The following CHODL variants were observed in gnomAD, a reference collection of about 807,000 sequenced individuals.
CHODL encodes transmembrane protein MT75.
CHODL carries 29 observed loss-of-function variants against 34.5 expected under a neutral mutation model. That is an observed-to-expected ratio of 0.84 (90% confidence interval 0.63 to 1.15). The LOEUF (loss-of-function observed/expected upper bound fraction) is 1.15. Among genes scored for constraint, CHODL ranks in the 50% most tolerant of loss-of-function variants. The pLI, the probability that CHODL is intolerant of heterozygous loss-of-function variation, is 0.00. For synonymous variants in CHODL, 125 were observed against 116.1 expected (o/e 1.08, Z -0.49); for missense variants, 332 against 332.5 (o/e 1.00, Z 0.01).
In CHODL at chr21:18,245,240, C is replaced by A. The variant is rs758800399; in HGVS notation, c.17C>A (p.Ser6Ter). Reference sequence around the variant, plus strand: ...CGCGCCGCGATGAGCCGCGTGGTCTCGCTGCTGCTGGGCGCCGCGCTGCTC... The same window carrying A: ...CGCGCCGCGATGAGCCGCGTGGTCTAGCTGCTGCTGGGCGCCGCGCTGCTC... The part of the protein sequence containing the change: MSRVV[S>*]LLLGAALLCG... The change falls in exon 1 of 6, where the codon TCG becomes TAG. Residue 6 changes from serine to a stop codon, truncating the protein, a stop_gained. Coordinates refer to ENST00000299295, the MANE Select transcript of CHODL (RefSeq NM_024944.3). LOFTEE classifies it high-confidence loss of function. The A allele has an allele frequency of 6.6e-7, 1 of 1,522,804 alleles. No homozygotes were observed. The highest frequency in any genetic ancestry group is 8.8e-7 in the Non-Finnish European group (1 of 1,142,184). The allele number at this position is 1,522,804 out of a possible 1,614,324, so 94.3% of individuals were successfully genotyped here.
At chr21:18,093,594 ATAAAGT>A (rs1004275249) in intron 2 of CHODL, among the ~76,000 whole-genome samples, 15 of 152,162 alleles carry the variant, frequency 9.9e-5, no homozygotes, top group African/African-American at 3.4e-4. Flanking sequence ...ATGCAAGAAA[ATAAAGT>A]TAGAGTTTTA....
chr21:18,102,438 G>T (rs553710392), intron 2 of CHODL, among the ~76,000 whole-genome samples: 2 of 152,166 alleles, frequency 1.3e-5, no homozygotes, highest in Non-Finnish European at 2.9e-5. Context: ...ACATCATGAG[G>T]CAGGACTTAA....
chr21:18,254,216 G>C (rs901170480), intron 1 of CHODL, among the ~76,000 whole-genome samples: 2 of 151,006 alleles, frequency 1.3e-5, no homozygotes, highest in Non-Finnish European at 2.9e-5. Flanking sequence ...TTATTGATAG[G>C]CTACACAATT....
chr21:18,193,711 T>TAAAA (rs1279526491), intron 2 of CHODL, among the ~76,000 whole-genome samples: 1,609 of 119,716 alleles, frequency 0.013, 30 homozygotes, highest in African/African-American at 0.054. Context: ...AAAAAAAAAA[T>TAAAA]AAAATAAATA....
chr21:17,927,865 T>C (rs2063241183), intron 1 of CHODL, among the ~76,000 whole-genome samples: 1 of 152,224 alleles, frequency 6.6e-6, no homozygotes, highest in South Asian at 2.1e-4. Flanking sequence ...AAATGATAAA[T>C]GAAAGATGTA....
chr21:17,944,688 T>C (rs1876037), intron 1 of CHODL, among the ~76,000 whole-genome samples: 69,379 of 152,048 alleles, frequency 0.46, 16,480 homozygotes, highest in East Asian at 0.61. Flanking sequence ...GTAGCTCCAC[T>C]TGATATCAAA....
chr21:18,205,611 C>T (rs1368277900), intron 2 of CHODL, among the ~76,000 whole-genome samples: 1 of 152,058 alleles, frequency 6.6e-6, no homozygotes, highest in South Asian at 2.1e-4. Context: ...AAAAACTTTC[C>T]TCTAAGTACT....
chr21:18,217,835 G>A (rs748222020), intron 2 of CHODL, among the ~76,000 whole-genome samples: 2 of 152,118 alleles, frequency 1.3e-5, no homozygotes, highest in Non-Finnish European at 2.9e-5. Flanking sequence ...GGAAATATTG[G>A]CCAAAACAAA....
At chr21:18,240,392 T>C (rs1307587213), upstream of CHODL, among the ~76,000 whole-genome samples, 2 of 152,136 alleles carry the variant, frequency 1.3e-5, no homozygotes, top group East Asian at 3.8e-4. Flanking sequence ...TTTTTATATT[T>C]ATAAAGTGAA....
intron 2 of CHODL, among the ~76,000 whole-genome samples, chr21:18,158,898 T>C (rs2073064855): frequency 6.6e-6 from 1 of 151,748 alleles, no homozygotes; most frequent in Admixed American, 6.6e-5. Flanking sequence ...ATATTTACTC[T>C]TCAATTTTCT....
At chr21:17,920,183 G>A (rs1308891996) in intron 1 of CHODL, among the ~76,000 whole-genome samples, 1 of 152,096 alleles carries the variant, frequency 6.6e-6, no homozygotes, top group Non-Finnish European at 1.5e-5. Flanking sequence ...ACATTTTCGG[G>A]TATCTTTTCA....
At chr21:18,177,623 C>T (rs1315335661) in intron 2 of CHODL, among the ~76,000 whole-genome samples, 1 of 152,018 alleles carries the variant, frequency 6.6e-6, no homozygotes, top group Non-Finnish European at 1.5e-5. Flanking sequence ...GGGATAATGC[C>T]AGAAAATGTG....
chr21:18,047,675 T>A (rs570454253), intron 2 of CHODL, among the ~76,000 whole-genome samples: 7 of 152,026 alleles, frequency 4.6e-5, no homozygotes, highest in African/African-American at 1.7e-4. Context: ...ACAGTGGTCC[T>A]TCTGATCTCA....
Position 18,137,299 on chromosome 21 carries a change from C to T in CHODL, c.-45+109328C>T, listed in dbSNP as rs376039158. On this transcript the variant is annotated intron_variant, in intron 2 of 6. Transcript: ENST00000400127. ...CTCCTCCAATTTCTTTAAGTGTTAACAACTTTTTTTTATGATCCTTCTTCA... is the reference window on the plus strand; with the variant it reads ...CTCCTCCAATTTCTTTAAGTGTTAATAACTTTTTTTTATGATCCTTCTTCA... 2.0e-5 allele frequency among the ~76,000 whole-genome samples: 3 copies of T among 152,216 alleles called. No individual in the cohort carries two copies. The South Asian group carries it at 6.2e-4, about 32-fold the overall frequency.
chr21:18,073,002 G>T (rs1022701255), intron 2 of CHODL, among the ~76,000 whole-genome samples: 1 of 152,016 alleles, frequency 6.6e-6, no homozygotes, highest in Non-Finnish European at 1.5e-5. Flanking sequence ...CCTTTGGAAG[G>T]CTTCTTATCA....
intron 2 of CHODL, among the ~76,000 whole-genome samples, chr21:18,098,867 A>C (rs1374308111): frequency 1.3e-5 from 2 of 152,148 alleles, no homozygotes; most frequent in Admixed American, 1.3e-4. Context: ...CACGTGGTAC[A>C]TACACCCAAT....
At chr21:18,092,527 C>A (rs995831530) in intron 2 of CHODL, among the ~76,000 whole-genome samples, 3 of 152,124 alleles carry the variant, frequency 2.0e-5, no homozygotes, top group Non-Finnish European at 4.4e-5. Context: ...AGATATCTGG[C>A]CTTTCAGACA....
rs988460893 is a variant in CHODL at position 18,205,423 on chromosome 21, C to A, written c.-44-51086C>A. ...TATATGTTGAACCATCCTTGTATCC[C>A]TGGGATAATTCTCACTAGATCGTGA... On this transcript the variant is annotated intron_variant, in intron 2 of 6. Coordinates refer to the CHODL transcript ENST00000400127. 7.2e-5 allele frequency among the ~76,000 whole-genome samples: 11 copies of A among 152,172 alleles called. No individual in the cohort carries two copies. In the South Asian group the frequency reaches 2.1e-3, roughly 29 times the overall value.
intron 1 of CHODL, among the ~76,000 whole-genome samples, chr21:17,970,103 A>G (rs1165723778): frequency 6.6e-6 from 1 of 152,138 alleles, no homozygotes. Context: ...CCCTGGACCG[A>G]TATTAGTAAC....
Sources: gnomAD v4.1 joint callset for allele counts (sites outside exome capture counted in the v4.1 genomes callset) on GRCh38, gnomAD v4.1.1 for gene constraint, MANE v1.5 for transcripts, NCBI Gene and HGNC (gene_info 2026-07-23, HGNC 2026-07-21) for gene names.